KIAA1328: variants seen among roughly 807,000 people sequenced by gnomAD.
The protein encoded by KIAA1328 is KIAA1328.
In KIAA1328, 52 loss-of-function variants were observed where a neutral mutation model predicts 68.1. The ratio of observed to expected loss-of-function variants is 0.76; its 90% CI spans 0.61 to 0.96. The LOEUF (loss-of-function observed/expected upper bound fraction) is 0.96, where lower values mean the gene tolerates loss of function less well. Among genes scored for constraint, KIAA1328 ranks in the 40% least tolerant of loss-of-function variants. The pLI is 0.00. For missense variants in KIAA1328, 641 were observed against 677.6 expected, an observed-to-expected ratio of 0.95 and a Z score of 0.60; for synonymous variants, 232 against 239.4, an observed-to-expected ratio of 0.97 and a Z score of 0.28.
intron 5 of KIAA1328, among the ~76,000 whole-genome samples, chr18:36,941,607 T>C (rs1226501456): frequency 2.0e-5 from 3 of 151,868 alleles, no homozygotes; most frequent in Non-Finnish European, 4.4e-5. Flanking sequence ...TCAAAATAAA[T>C]AAACATGTAT....
intron 6 of KIAA1328, among the ~76,000 whole-genome samples, chr18:36,991,137 T>C (rs1418291817): frequency 6.6e-6 from 1 of 152,222 alleles, no homozygotes; most frequent in Non-Finnish European, 1.5e-5. Context: ...AAGGAAAATA[T>C]CCATAACCCT....
At chr18:37,191,445 A>C (rs1433158872) in intron 9 of KIAA1328, among the ~76,000 whole-genome samples, 1 of 152,184 alleles carries the variant, frequency 6.6e-6, no homozygotes, top group Non-Finnish European at 1.5e-5. Flanking sequence ...CTTTAGGTAC[A>C]GTCTAGTCAC....
In KIAA1328 at chr18:36,963,206, G is replaced by A. The variant is rs571680065; in HGVS notation, c.576+3771G>A. Among the ~76,000 whole-genome samples, 277 of 152,268 alleles carry A rather than the reference G, an allele frequency of 1.8e-3. 3 individuals are homozygous for A. Among genetic ancestry groups the A allele is most frequent in the African/African-American group, 6.5e-3 (270 of 41,542 alleles). ...TTTATGTGAAGTTTCCCTGCTACACGGAAAACAAGTCAGGCAGTTTTTAAG... is the reference window on the plus strand; with the variant it reads ...TTTATGTGAAGTTTCCCTGCTACACAGAAAACAAGTCAGGCAGTTTTTAAG... On this transcript the variant is annotated intron_variant, in intron 6 of 9. Coordinates refer to ENST00000280020, the MANE Select transcript of KIAA1328 (RefSeq NM_020776.3).
intron 6 of KIAA1328, among the ~76,000 whole-genome samples, chr18:37,022,591 T>C (rs1053247028): frequency 3.3e-5 from 5 of 152,132 alleles, no homozygotes; most frequent in African/African-American, 7.2e-5. Flanking sequence ...GGGTGTTAAA[T>C]TGCATATATC....
chr18:37,185,046 G>T (rs1276424965), intron 9 of KIAA1328, among the ~76,000 whole-genome samples: 3 of 151,888 alleles, frequency 2.0e-5, no homozygotes, highest in Non-Finnish European at 4.4e-5. Flanking sequence ...GGTACCTGTA[G>T]TCTCAGCTAC....
intron 6 of KIAA1328, among the ~76,000 whole-genome samples, chr18:36,966,479 A>T (rs747024672): frequency 3.9e-5 from 6 of 152,262 alleles, no homozygotes; most frequent in South Asian, 4.2e-4. Flanking sequence ...ATGAGAAGGG[A>T]GGGAGCTATA....
chr18:37,179,071 G>A (rs1399664884), intron 9 of KIAA1328, among the ~76,000 whole-genome samples: 1 of 152,024 alleles, frequency 6.6e-6, no homozygotes, highest in Non-Finnish European at 1.5e-5. Flanking sequence ...CAGAAGCTTT[G>A]ATGTAATCCC....
At chr18:36,897,526 G>A (rs1312383156) in intron 5 of KIAA1328, among the ~76,000 whole-genome samples, 1 of 152,080 alleles carries the variant, frequency 6.6e-6, no homozygotes, top group Non-Finnish European at 1.5e-5. Context: ...CAACAGAAAT[G>A]GAGGTTGGAT....
intron 7 of KIAA1328, among the ~76,000 whole-genome samples, chr18:37,138,538 C>G (rs1212970371): frequency 2.0e-5 from 3 of 152,138 alleles, no homozygotes; most frequent in Non-Finnish European, 2.9e-5. Flanking sequence ...TTTTTGAAGC[C>G]AGGAACCATG....
chr18:36,900,950 T>C (rs1191960904), intron 5 of KIAA1328, among the ~76,000 whole-genome samples: 1 of 152,052 alleles, frequency 6.6e-6, no homozygotes, highest in Non-Finnish European at 1.5e-5. Flanking sequence ...GAAATAAAAC[T>C]TCCACGGTTA....
intron 3 of KIAA1328, among the ~76,000 whole-genome samples, chr18:36,837,958 A>G (rs1363551417): frequency 6.6e-6 from 1 of 152,032 alleles, no homozygotes; most frequent in Non-Finnish European, 1.5e-5. Flanking sequence ...TTATTTTTGG[A>G]ATTAGGAAGT....
intron 7 of KIAA1328, among the ~76,000 whole-genome samples, chr18:37,116,368 C>A (rs964873027): frequency 1.3e-5 from 2 of 152,166 alleles, no homozygotes; most frequent in African/African-American, 4.8e-5. Flanking sequence ...ACATCTACAA[C>A]CATCTGACCT....
intron 7 of KIAA1328, 49 bp downstream of exon 7, chr18:37,067,594 C>G (rs759169053): frequency 6.2e-6 from 9 of 1,443,722 alleles, no homozygotes; most frequent in Non-Finnish European, 8.2e-6. Flanking sequence ...GAAATCTCGC[C>G]CTGTTGCCCA....
At chr18:37,197,625 C>G (rs959871810) in intron 9 of KIAA1328, among the ~76,000 whole-genome samples, 28 of 152,110 alleles carry the variant, frequency 1.8e-4, no homozygotes, top group Admixed American at 1.3e-4. Context: ...TTCCCTGTTG[C>G]AGAACTAGAC....
At position 37,223,047 on chromosome 18, in the gene KIAA1328, A is replaced by AGGGGGCCCCC; in HGVS notation, c.*820_*821insGGGGGCCCCC. The AGGGGGCCCCC allele has an allele frequency of 2.3e-6, 1 of 430,306 alleles. No individual in the cohort carries two copies. Among genetic ancestry groups the AGGGGGCCCCC allele is most frequent in the Non-Finnish European group, 2.9e-6 (1 of 349,452 alleles). The allele number at this position is 430,306 out of a possible 1,614,324, so 26.7% of individuals were successfully genotyped here. On this transcript the variant is annotated 3_prime_UTR_variant, in exon 10 of 10. Transcript: ENST00000280020. The stretch of plus-strand genomic sequence containing the variant: ...ATTTACCCAAGTGTTCAGCTTATTC[A>AGGGGGCCCCC]CCCCACCCCCCCACCCCCCATCACA...
At chr18:37,025,822 G>A (rs1177836159) in intron 6 of KIAA1328, among the ~76,000 whole-genome samples, 1 of 152,086 alleles carries the variant, frequency 6.6e-6, no homozygotes, top group African/African-American at 2.4e-5. Context: ...AACTAGAGAA[G>A]CAAGAGCAAA....
At chr18:37,210,085 A>C (rs2060288161) in intron 9 of KIAA1328, among the ~76,000 whole-genome samples, 1 of 152,244 alleles carries the variant, frequency 6.6e-6, no homozygotes, top group Non-Finnish European at 1.5e-5. Context: ...GGGAGGGGAA[A>C]GGTCCAGTAA....
intron 6 of KIAA1328, among the ~76,000 whole-genome samples, chr18:36,969,573 C>T (rs1451941962): frequency 2.0e-5 from 3 of 152,010 alleles, no homozygotes; most frequent in Non-Finnish European, 4.4e-5. Context: ...ATACACTCTC[C>T]CAAGGCTGAA....
chr18:36,962,987 A>T (rs143547557), intron 6 of KIAA1328, among the ~76,000 whole-genome samples: 356 of 152,332 alleles, frequency 2.3e-3, no homozygotes, highest in Non-Finnish European at 3.5e-3. Flanking sequence ...ACTGAAGGAG[A>T]TAGAGGCACA....
Sources: gnomAD v4.1 joint callset for allele counts (sites outside exome capture counted in the v4.1 genomes callset) on GRCh38, gnomAD v4.1.1 for gene constraint, MANE v1.5 for transcripts, NCBI Gene and HGNC (gene_info 2026-07-23, HGNC 2026-07-21) for gene names.